The following ME1 variants were observed in gnomAD, a reference collection of about 807,000 sequenced individuals.
The protein encoded by ME1 is NADP-dependent malic enzyme.
Under a neutral mutation model 66.4 loss-of-function variants are expected in ME1, and 74 were observed. That is an observed-to-expected ratio of 1.11 (90% CI 0.92 to 1.35). The LOEUF is 1.35. Ranked by LOEUF, ME1 falls within the 40% of genes most tolerant of loss-of-function variation. The pLI is 0.00. For synonymous variants in ME1, 251 were observed against 235.6 expected (o/e 1.07, Z -0.60); for missense variants, 750 against 694.1 (o/e 1.08, Z -0.90).
chr6:83,281,955 A>T (rs2128533183), intron 6 of ME1, among the ~76,000 whole-genome samples: 1 of 150,626 alleles, frequency 6.6e-6, no homozygotes, highest in East Asian at 1.9e-4. Flanking sequence ...AGGAAGAGAT[A>T]ATACAACTTA....
At chr6:83,325,881 G>A (rs1768278500) in intron 5 of ME1, among the ~76,000 whole-genome samples, 1 of 137,162 alleles carries the variant, frequency 7.3e-6, no homozygotes, top group African/African-American at 2.8e-5. Context: ...ATTTCATATG[G>A]AACCAAAAAA....
At chr6:83,278,848 A>AC (rs1414130483) in intron 6 of ME1, among the ~76,000 whole-genome samples, 1 of 152,140 alleles carries the variant, frequency 6.6e-6, no homozygotes, top group African/African-American at 2.4e-5. Flanking sequence ...TCCTAACTTA[A>AC]TGGGGTTCAC....
chr6:83,430,022 A>G (rs1023827403), intron 1 of ME1, among the ~76,000 whole-genome samples: 4 of 152,168 alleles, frequency 2.6e-5, no homozygotes, highest in Non-Finnish European at 4.4e-5. Context: ...TTTATTTGAG[A>G]GACATCCCGA....
chr6:83,285,444 T>C (rs981046129), intron 6 of ME1, among the ~76,000 whole-genome samples: 3 of 152,222 alleles, frequency 2.0e-5, no homozygotes, highest in Admixed American at 6.5e-5. Context: ...ATAGAGTTTT[T>C]ATTGTACTTG....
intron 6 of ME1, among the ~76,000 whole-genome samples, chr6:83,273,041 G>A (rs1246539686): frequency 6.6e-6 from 1 of 151,922 alleles, no homozygotes; most frequent in Middle Eastern, 3.2e-3. Context: ...GCCGGGCATG[G>A]TGGTGGGCAC....
intron 5 of ME1, among the ~76,000 whole-genome samples, chr6:83,327,891 C>T (rs199766487): frequency 7.2e-5 from 11 of 152,130 alleles, no homozygotes; most frequent in African/African-American, 2.7e-4. Context: ...TTTCTCTCTT[C>T]TGTACTCTGT....
intron 6 of ME1, among the ~76,000 whole-genome samples, chr6:83,295,471 T>C (rs1340095499): frequency 2.6e-5 from 4 of 152,162 alleles, no homozygotes; most frequent in East Asian, 1.9e-4. Flanking sequence ...ATGAAGATCA[T>C]TGAAAGTTGG....
At chr6:83,256,428 CAT>C (rs1462364290) in intron 6 of ME1, among the ~76,000 whole-genome samples, 10 of 151,850 alleles carry the variant, frequency 6.6e-5, no homozygotes, top group Non-Finnish European at 1.3e-4. Flanking sequence ...GGCCAATAAA[CAT>C]ATGAAAAAAA....
At chr6:83,262,402 A>G (rs1766915759) in intron 6 of ME1, among the ~76,000 whole-genome samples, 1 of 152,166 alleles carries the variant, frequency 6.6e-6, no homozygotes, top group Non-Finnish European at 1.5e-5. Flanking sequence ...TGCTTTTATA[A>G]ACTCCATGTG....
At chr6:83,301,175 C>T (rs954983500) in intron 6 of ME1, among the ~76,000 whole-genome samples, 5 of 151,862 alleles carry the variant, frequency 3.3e-5, no homozygotes, top group African/African-American at 1.2e-4. Flanking sequence ...TGCACATGTA[C>T]CCTAGAACTT....
intron 12 of ME1, among the ~76,000 whole-genome samples, chr6:83,219,776 T>G (rs1472766131): frequency 6.8e-6 from 1 of 146,984 alleles, no homozygotes; most frequent in Admixed American, 6.9e-5. Context: ...TTAGCAGAGA[T>G]AGGGTTTCAC....
At chr6:83,315,546 C>T in intron 5 of ME1, 133 bp from the exon 6 acceptor site, 2 of 603,870 alleles carry the variant, frequency 3.3e-6, no homozygotes, top group Non-Finnish European at 5.8e-6. Flanking sequence ...AATTAACCTA[C>T]AGGGTAATTA....
chr6:83,280,821 C>T (rs138060324), intron 6 of ME1, among the ~76,000 whole-genome samples: 1 of 152,212 alleles, frequency 6.6e-6, no homozygotes, highest in Non-Finnish European at 1.5e-5. Flanking sequence ...TCTGATTATA[C>T]TCATAATAAT....
At position 83,324,851 on chromosome 6, in the gene ME1, C is replaced by T. The variant is rs1041898906; in HGVS notation, c.601-9438G>A. Among the ~76,000 whole-genome samples, 6 of 152,176 alleles carry T rather than the reference C, an allele frequency of 3.9e-5. No individual in the cohort carries two copies. In the South Asian group the frequency reaches 1.2e-3, roughly 32 times the overall value. On this transcript the variant is annotated intron_variant, in intron 5 of 13. Transcript: ENST00000369705. Reference sequence around the variant, plus strand: ...AAACAATAGAAAAAGAAGGGCTCCTCTCTAACTCATTTTATCACATCAGCA... The same window carrying T: ...AAACAATAGAAAAAGAAGGGCTCCTTTCTAACTCATTTTATCACATCAGCA...
At chr6:83,381,487 G>A (rs769705341) in intron 3 of ME1, among the ~76,000 whole-genome samples, 1 of 151,334 alleles carries the variant, frequency 6.6e-6, no homozygotes, top group Non-Finnish European at 1.5e-5. Flanking sequence ...GCTTGAGAAA[G>A]TCTTATGTAC....
At chr6:83,261,521 T>C (rs374036759) in intron 6 of ME1, among the ~76,000 whole-genome samples, 7 of 151,734 alleles carry the variant, frequency 4.6e-5, no homozygotes, top group Admixed American at 2.6e-4. Flanking sequence ...ATCTTTGTCA[T>C]GAAATCTTTG....
At chr6:83,359,338 G>GA (rs1295604807) in intron 3 of ME1, among the ~76,000 whole-genome samples, 4 of 152,192 alleles carry the variant, frequency 2.6e-5, no homozygotes, top group Non-Finnish European at 5.9e-5. Context: ...TGTGACCCAT[G>GA]AGGAGGTGCG....
intron 9 of ME1, among the ~76,000 whole-genome samples, chr6:83,231,845 G>GT (rs1364527664): frequency 6.6e-5 from 10 of 151,586 alleles, no homozygotes; most frequent in East Asian, 1.9e-4. Context: ...TTCTCTCTCT[G>GT]TTTTTTTCAA....
intron 3 of ME1, chr6:83,392,560 T>C: frequency 1.8e-6 from 1 of 553,904 alleles, no homozygotes; most frequent in Non-Finnish European, 3.5e-6. Context: ...CATGTTCCAG[T>C]ATAATTCCGC....
Sources: gnomAD v4.1 joint callset for allele counts (sites outside exome capture counted in the v4.1 genomes callset) on GRCh38, gnomAD v4.1.1 for gene constraint, MANE v1.5 for transcripts, NCBI Gene and HGNC (gene_info 2026-07-23, HGNC 2026-07-21) for gene names.